FLT1: variants seen among roughly 807,000 people sequenced by gnomAD.
FLT1 encodes fms related receptor tyrosine kinase 1.
A neutral mutation model predicts 156.3 loss-of-function variants in FLT1; 49 were observed. The observed-to-expected ratio is 0.31, with a 90% CI of 0.25 to 0.40. FLT1 has a LOEUF of 0.40. Ranked by LOEUF, FLT1 falls within the 10% of genes least tolerant of loss-of-function variation. FLT1 has a pLI of 1.00. For missense variants in FLT1, 1,322 were observed against 1,637.2 expected, an observed-to-expected ratio of 0.81 and a Z score of 3.32; for synonymous variants, 594 against 583.8, an observed-to-expected ratio of 1.02 and a Z score of -0.25.
intron 14 of FLT1, among the ~76,000 whole-genome samples, chr13:28,363,008 A>C (rs935184623): frequency 6.6e-6 from 1 of 152,106 alleles, no homozygotes; most frequent in African/African-American, 2.4e-5. Flanking sequence ...TCTTGCATTT[A>C]TTTCCCTTCT....
chr13:28,434,613 T>G (rs1312633124), intron 4 of FLT1, among the ~76,000 whole-genome samples: 1 of 152,196 alleles, frequency 6.6e-6, no homozygotes, highest in Non-Finnish European at 1.5e-5. Flanking sequence ...CCGGGCGTGG[T>G]GGCTCACGCC....
intron 1 of FLT1, among the ~76,000 whole-genome samples, chr13:28,494,560 G>C (rs189797901): frequency 3.4e-4 from 52 of 152,298 alleles, no homozygotes; most frequent in African/African-American, 1.2e-3. Flanking sequence ...TGATGCTCGC[G>C]GGTCCAGGCC....
intron 10 of FLT1, among the ~76,000 whole-genome samples, chr13:28,413,520 C>A (rs1308171870): frequency 2.6e-5 from 4 of 152,038 alleles, no homozygotes; most frequent in Non-Finnish European, 5.9e-5. Context: ...CAGATAGGAG[C>A]CTCACAGGAT....
At chr13:28,359,947 C>T (rs997420906) in intron 14 of FLT1, among the ~76,000 whole-genome samples, 3 of 152,142 alleles carry the variant, frequency 2.0e-5, no homozygotes, top group Non-Finnish European at 2.9e-5. Context: ...CCAGTCTCTA[C>T]TAAAAATACA....
intron 14 of FLT1, among the ~76,000 whole-genome samples, chr13:28,376,853 ACACT>A (rs1428866398): frequency 6.6e-6 from 1 of 152,194 alleles, no homozygotes; most frequent in Admixed American, 6.5e-5. Context: ...GGGAGTAAAG[ACACT>A]CAGGGTCAAG....
At chr13:28,474,085 C>A (rs1332270922) in intron 1 of FLT1, among the ~76,000 whole-genome samples, 2 of 152,138 alleles carry the variant, frequency 1.3e-5, no homozygotes, top group Admixed American at 6.6e-5. Context: ...GACCTGCCAG[C>A]ACCTTGATCT....
intron 3 of FLT1, among the ~76,000 whole-genome samples, chr13:28,442,542 A>G (rs1878385309): frequency 6.6e-6 from 1 of 152,224 alleles, no homozygotes; most frequent in South Asian, 2.1e-4. Flanking sequence ...AAAAGCCAAT[A>G]CCAATTTCAG....
chr13:28,336,571 G>T (rs1872122859), intron 17 of FLT1, among the ~76,000 whole-genome samples: 1 of 152,174 alleles, frequency 6.6e-6, no homozygotes, highest in East Asian at 1.9e-4. Flanking sequence ...GTGCATGGCA[G>T]CATGGGTTGG....
chr13:28,379,299 A>T (rs1593724400), intron 14 of FLT1, among the ~76,000 whole-genome samples: 3 of 152,294 alleles, frequency 2.0e-5, no homozygotes, highest in South Asian at 4.2e-4. Flanking sequence ...GTGCCACTGC[A>T]CTCCAGCTTG....
intron 3 of FLT1, among the ~76,000 whole-genome samples, chr13:28,442,259 AAACACT>A (rs377601299): frequency 1.8e-3 from 275 of 152,348 alleles, no homozygotes; most frequent in African/African-American, 6.3e-3. Flanking sequence ...AGGTAAACAC[AAACACT>A]AAGAAATGGT....
chr13:28,378,801 T>C (rs1873954699), intron 14 of FLT1, among the ~76,000 whole-genome samples: 1 of 152,200 alleles, frequency 6.6e-6, no homozygotes, highest in Non-Finnish European at 1.5e-5. Flanking sequence ...AAAGGATAGT[T>C]GTGAAAATTA....
At chr13:28,339,407 G>T in intron 16 of FLT1, 107 bp from the exon 17 acceptor site, 1 of 1,188,024 alleles carries the variant, frequency 8.4e-7, no homozygotes, top group Non-Finnish European at 1.2e-6. Flanking sequence ...GGTTGAAACT[G>T]TGTGGCCAGG....
intron 4 of FLT1, among the ~76,000 whole-genome samples, chr13:28,436,884 G>C (rs1280910042): frequency 2.6e-5 from 4 of 152,254 alleles, no homozygotes; most frequent in Non-Finnish European, 2.9e-5. Flanking sequence ...TCCTCAGATG[G>C]GGAGAGTGAG....
chr13:28,360,025 C>A (rs1873050834), intron 14 of FLT1, among the ~76,000 whole-genome samples: 1 of 144,704 alleles, frequency 6.9e-6, no homozygotes, highest in Admixed American at 7.3e-5. Flanking sequence ...GCAGGAGAAT[C>A]ACTTGAACTG....
intron 3 of FLT1, among the ~76,000 whole-genome samples, chr13:28,445,582 C>A (rs552892491): frequency 1.3e-5 from 2 of 151,942 alleles, no homozygotes; most frequent in Non-Finnish European, 2.9e-5. Context: ...GGATAAATGC[C>A]GGGAAAGACA....
intron 19 of FLT1, among the ~76,000 whole-genome samples, chr13:28,327,756 C>CAAAAAAAAAAAAATAAAAAAAAAAAAA (rs1871747835): frequency 8.1e-6 from 1 of 122,794 alleles, no homozygotes. Flanking sequence ...AATTGAAATA[C>CAAAAAAAAAAAAATAAAAAAAAAAAAA]AAAAAAAAAA....
chr13:28,400,897 T>G lies in FLT1; in HGVS notation c.1552-3829A>C, dbSNP rs73158158. 2.6e-3 allele frequency among the ~76,000 whole-genome samples: 398 copies of G among 152,276 alleles called. 2 individuals carry two copies. Among genetic ancestry groups the G allele is most frequent in the Non-Finnish European group, 3.8e-3 (259 of 68,002 alleles). Reference sequence around the variant, plus strand: ...CAATTGAAAATAAATGAAAGAGGACTGAGGAAGAGAAAAAAGCAGAAGTGC... The same window carrying G: ...CAATTGAAAATAAATGAAAGAGGACGGAGGAAGAGAAAAAAGCAGAAGTGC... On this transcript the variant is annotated intron_variant, in intron 11 of 29. Transcript: ENST00000282397.
chr13:28,466,065 G>T (rs1240214748), intron 3 of FLT1, among the ~76,000 whole-genome samples: 4 of 152,036 alleles, frequency 2.6e-5, no homozygotes, highest in Non-Finnish European at 4.4e-5. Flanking sequence ...AGCCTTGTTT[G>T]TGTGTGTGCG....
At chr13:28,339,746 A>G (rs1440454410) in intron 16 of FLT1, among the ~76,000 whole-genome samples, 1 of 152,170 alleles carries the variant, frequency 6.6e-6, no homozygotes, top group Non-Finnish European at 1.5e-5. Flanking sequence ...GCTTTTCTAC[A>G]TATATAGGAA....
Sources: gnomAD v4.1 joint callset for allele counts (sites outside exome capture counted in the v4.1 genomes callset) on GRCh38, gnomAD v4.1.1 for gene constraint, MANE v1.5 for transcripts, NCBI Gene and HGNC (gene_info 2026-07-23, HGNC 2026-07-21) for gene names.